The following CACNA1B variants were observed in gnomAD, a reference collection of about 807,000 sequenced individuals.
CACNA1B encodes the protein calcium voltage-gated channel subunit alpha1 B.
A neutral mutation model predicts 247.2 loss-of-function variants in CACNA1B; 70 were observed. The observed-to-expected ratio is 0.28, with a 90% CI of 0.23 to 0.35. The LOEUF is 0.35. Among genes scored for constraint, CACNA1B ranks in the 10% least tolerant of loss-of-function variants. CACNA1B has a pLI of 1.00. For missense variants in CACNA1B, 2,367 were observed against 3,197.4 expected (o/e 0.74, Z 6.26); for synonymous variants, 1,231 against 1,294.4 (o/e 0.95, Z 1.05).
chr9:138,039,025 GA>G (rs1255286068), intron 20 of CACNA1B, among the ~76,000 whole-genome samples: 1 of 148,066 alleles, frequency 6.8e-6, no homozygotes, highest in East Asian at 2.0e-4. Context: ...TCTCTGCTGG[GA>G]AAAAAAAAAG....
intron 15 of CACNA1B, among the ~76,000 whole-genome samples, chr9:137,993,809 C>T (rs1299488957): frequency 2.0e-5 from 3 of 152,092 alleles, no homozygotes; most frequent in African/African-American, 7.2e-5. Context: ...CACTATTCCA[C>T]AAGGTAGAGA....
chr9:137,947,950 T>C (rs1222719796), intron 6 of CACNA1B, among the ~76,000 whole-genome samples: 1 of 150,708 alleles, frequency 6.6e-6, no homozygotes, highest in East Asian at 1.9e-4. Context: ...TGTCTCTTGC[T>C]AAAGTTGAGA....
intron 3 of CACNA1B, among the ~76,000 whole-genome samples, chr9:137,897,762 C>A (rs1045378251): frequency 1.3e-5 from 2 of 151,608 alleles, no homozygotes; most frequent in African/African-American, 4.8e-5. Context: ...TCACTGCAAC[C>A]TCTGCCTCCT....
chr9:138,096,597 C>G lies in CACNA1B; in HGVS notation c.5208C>G (p.Tyr1736Ter). 6.2e-7 allele frequency: 1 copy of G among 1,611,896 alleles called. No homozygotes were observed. Among genetic ancestry groups the G allele is most frequent in the Non-Finnish European group, 8.5e-7 (1 of 1,178,906 alleles). ...AGTTCATCCGGGTCTGGGCTGAATA[C>G]GACCCGGCTGCGTGGTAAGTGAGCC... ...LDEFIRVWAEYDPAACGRISY... is the reference protein window; with the variant it reads ...LDEFIRVWAE Residue 1736 changes from tyrosine (Y) to a stop codon, truncating the protein, a stop_gained, in exon 37 of 47, where the codon TAC becomes TAG. Coordinates refer to ENST00000371372, the MANE Select transcript of CACNA1B (RefSeq NM_000718.4). LOFTEE classifies it high-confidence loss of function.
chr9:138,002,075 A>G (rs1958583703), intron 15 of CACNA1B, among the ~76,000 whole-genome samples: 1 of 152,250 alleles, frequency 6.6e-6, no homozygotes, highest in Non-Finnish European at 1.5e-5. Context: ...AAGTCCAAGA[A>G]AAGACAATTC....
At position 138,107,171 on chromosome 9, in the gene CACNA1B, T is replaced by TC. The variant is rs1477891655; in HGVS notation, c.5428+1367dup. On this transcript the variant is annotated intron_variant, in intron 39 of 46. Transcript: ENST00000371372. Reference sequence around the variant, plus strand: ...AACTTCAAATTTTCCCCCACAGCCTTCCCTATCTCAGTCAATGCTTAAGCC... The same window carrying TC: ...AACTTCAAATTTTCCCCCACAGCCTTCCCCTATCTCAGTCAATGCTTAAGCC... Among the ~76,000 whole-genome samples the TC allele has an allele frequency of 1.2e-4, 19 of 152,240 alleles. 1 individual carries two copies. The highest frequency in any genetic ancestry group is 1.0e-3 in the Admixed American group (16 of 15,288).
chr9:137,913,208 G>A lies in CACNA1B; in HGVS notation c.559G>A (p.Asp187Asn), dbSNP rs754208034. The A allele has an allele frequency of 1.2e-6, 2 of 1,613,876 alleles. No homozygotes were observed. The highest frequency in any genetic ancestry group is 1.1e-5 in the South Asian group (1 of 91,050). ...GILATAGTDF[D>N]LRTLRAVRVL... ...CCTTGCCACGGCTGGAACTGACTTC[G>A]ACCTGCGAACACTGAGGGCTGTGCG... The change falls in exon 4 of 47, where the codon GAC becomes AAC. Residue 187 changes from aspartate (D) to asparagine (N), a missense_variant. By Grantham distance (23) the Asp-to-Asn change is conservative (BLOSUM62 1). This residue lies in a region of CACNA1B where 130 missense variants were observed against 338.7 expected (regional missense o/e 0.38). Coordinates refer to ENST00000371372, the MANE Select transcript of CACNA1B (RefSeq NM_000718.4). The surrounding 1 kb of genome is among the most constrained non-coding windows in gnomAD (Gnocchi z 5.2).
At chr9:137,909,953 T>G (rs573047350) in intron 3 of CACNA1B, among the ~76,000 whole-genome samples, 1 of 152,264 alleles carries the variant, frequency 6.6e-6, no homozygotes, top group Middle Eastern at 3.4e-3. Flanking sequence ...GTATTTTTAG[T>G]AGAGACAGCA....
At chr9:137,947,301 G>A (rs528262864) in intron 6 of CACNA1B, among the ~76,000 whole-genome samples, 1 of 152,166 alleles carries the variant, frequency 6.6e-6, no homozygotes, top group South Asian at 2.1e-4. Flanking sequence ...ACAGTGGAAG[G>A]GGGGTGGGCC....
intron 3 of CACNA1B, among the ~76,000 whole-genome samples, chr9:137,901,111 GTGTGTC>G (rs1009707918): frequency 2.0e-5 from 3 of 149,662 alleles, no homozygotes; most frequent in Admixed American, 1.3e-4. Flanking sequence ...CCTTGTGTCT[GTGTGTC>G]TGTGTCTGTG....
chr9:137,905,660 G>A (rs528559139), intron 3 of CACNA1B, among the ~76,000 whole-genome samples: 1 of 152,272 alleles, frequency 6.6e-6, no homozygotes, highest in African/African-American at 2.4e-5. Context: ...CAGTTCCATT[G>A]TATATTTTAA....
intron 31 of CACNA1B, among the ~76,000 whole-genome samples, chr9:138,060,912 C>T (rs1354966045): frequency 1.3e-5 from 2 of 152,198 alleles, no homozygotes; most frequent in African/African-American, 2.4e-5. Flanking sequence ...TTCATCATCC[C>T]GTCCCCACCA....
chr9:137,942,269 A>G (rs903961589), intron 6 of CACNA1B, among the ~76,000 whole-genome samples: 16 of 152,224 alleles, frequency 1.1e-4, no homozygotes, highest in African/African-American at 2.9e-4. Context: ...CAAAACTACA[A>G]TGTGATACCA....
intron 35 of CACNA1B, among the ~76,000 whole-genome samples, chr9:138,077,138 C>T (rs1960351627): frequency 6.6e-6 from 1 of 152,200 alleles, no homozygotes; most frequent in Non-Finnish European, 1.5e-5. Context: ...TCAGGCCCAG[C>T]ACAGGTTGAA....
intron 3 of CACNA1B, among the ~76,000 whole-genome samples, chr9:137,905,984 T>C (rs1957294770): frequency 6.6e-6 from 1 of 152,122 alleles, no homozygotes; most frequent in Non-Finnish European, 1.5e-5. Flanking sequence ...TCCTGAAAAA[T>C]ACTAGTGGAC....
Position 137,956,793 on chromosome 9 carries a change from G to C in CACNA1B, c.1209G>C (p.Glu403Asp). 2 of 1,613,862 alleles carry C rather than the reference G, an allele frequency of 1.2e-6. No homozygotes were observed. Among genetic ancestry groups the C allele is most frequent in the Non-Finnish European group, 1.7e-6 (2 of 1,179,798 alleles). The part of the protein sequence containing the change: ...FKAEEVMLAE[E>D]DRNAEEKSPL... Reference sequence around the variant, plus strand: ...CAGAGGAAGTCATGCTGGCCGAGGAGGACAGGAATGCAGAGGAGAAGTCCC... The same window carrying C: ...CAGAGGAAGTCATGCTGGCCGAGGACGACAGGAATGCAGAGGAGAAGTCCC... Residue 403 changes from glutamate (E) to aspartate (D), a missense_variant, in exon 9 of 47, where the codon GAG (glutamate) becomes GAC (aspartate). Coordinates refer to ENST00000371372, the MANE Select transcript of CACNA1B (RefSeq NM_000718.4).
chr9:137,907,446 C>A (rs1957311505), intron 3 of CACNA1B, among the ~76,000 whole-genome samples: 1 of 152,212 alleles, frequency 6.6e-6, no homozygotes, highest in Non-Finnish European at 1.5e-5. Flanking sequence ...GCCAAATACT[C>A]TCCAAAACGA....
intron 13 of CACNA1B, among the ~76,000 whole-genome samples, chr9:137,985,517 A>G (rs545258284): frequency 6.6e-6 from 1 of 152,348 alleles, no homozygotes; most frequent in East Asian, 1.9e-4. Context: ...TTCCTTTCCC[A>G]GAGTCTTCCA....
At position 137,950,121 on chromosome 9, in the gene CACNA1B, T is replaced by C. The variant is rs1282503580; in HGVS notation, c.967-2153T>C. Reference sequence around the variant, plus strand: ...GAGTGCAGAAGTCTAGGTTCCCCACTTGGCATCTGTTGACTTATGGTAGCG... The same window carrying C: ...GAGTGCAGAAGTCTAGGTTCCCCACCTGGCATCTGTTGACTTATGGTAGCG... On this transcript the variant is annotated intron_variant, in intron 6 of 46. Coordinates refer to ENST00000371372, the MANE Select transcript of CACNA1B (RefSeq NM_000718.4). This position sits in a 1 kb window ranked among gnomAD's most constrained non-coding sequence, Gnocchi z 4.8. Among the ~76,000 whole-genome samples the C allele has an allele frequency of 1.3e-5, 2 of 152,214 alleles. No homozygotes were observed. Among genetic ancestry groups the C allele is most frequent in the African/African-American group, 4.8e-5 (2 of 41,446 alleles).
Sources: allele counts gnomAD v4.1 joint callset (sites outside exome capture counted in the v4.1 genomes callset), GRCh38; gene constraint gnomAD v4.1.1; regional missense constraint gnomAD v4.1.1; non-coding constraint Gnocchi (gnomAD v3.1); transcripts MANE v1.5; gene names NCBI Gene and HGNC (gene_info 2026-07-23, HGNC 2026-07-21).